ATG5: variants seen among roughly 807,000 people sequenced by gnomAD.
ATG5 encodes autophagy protein 5.
ATG5 carries 14 observed loss-of-function variants against 36.5 expected under a neutral mutation model. The observed-to-expected ratio is 0.38, with a 90% CI of 0.25 to 0.60. ATG5 has a LOEUF of 0.60. Ranked by LOEUF, ATG5 falls within the 20% of genes least tolerant of loss-of-function variation. The pLI, the probability that ATG5 is intolerant of heterozygous loss-of-function variation, is 0.60. For synonymous variants in ATG5, 95 were observed against 101.5 expected, an observed-to-expected ratio of 0.94 and a Z score of 0.38; for missense variants, 195 against 326.7, an observed-to-expected ratio of 0.60 and a Z score of 3.11.
At chr6:106,221,474 C>A (rs937365291) in intron 6 of ATG5, among the ~76,000 whole-genome samples, 22 of 151,846 alleles carry the variant, frequency 1.4e-4, no homozygotes, top group Middle Eastern at 3.2e-3. Context: ...TCACTTGAGC[C>A]CAGGAATTCG....
intron 5 of ATG5, among the ~76,000 whole-genome samples, chr6:106,267,905 A>G (rs1033718540): frequency 2.0e-5 from 3 of 152,240 alleles, no homozygotes; most frequent in African/African-American, 7.2e-5. Flanking sequence ...AAACATAGGT[A>G]ATACCATTCA....
At chr6:106,261,196 C>A (rs1339908299) in intron 5 of ATG5, among the ~76,000 whole-genome samples, 2 of 152,132 alleles carry the variant, frequency 1.3e-5, no homozygotes, top group East Asian at 3.8e-4. Context: ...CACATTATTT[C>A]AAAAAATGTA....
At chr6:106,265,882 C>A (rs373527409) in intron 5 of ATG5, among the ~76,000 whole-genome samples, 189 of 152,242 alleles carry the variant, frequency 1.2e-3, no homozygotes, top group African/African-American at 4.3e-3. Flanking sequence ...TAAATGCCCA[C>A]ATCAGAAAGC....
chr6:106,264,746 C>T (rs1412566604), intron 5 of ATG5, among the ~76,000 whole-genome samples: 4 of 152,090 alleles, frequency 2.6e-5, no homozygotes, highest in Admixed American at 2.6e-4. Context: ...CCAAACTAAG[C>T]TTCATAAGCG....
intron 6 of ATG5, among the ~76,000 whole-genome samples, chr6:106,241,420 C>T (rs981894099): frequency 3.9e-5 from 6 of 152,036 alleles, no homozygotes; most frequent in South Asian, 2.1e-4. Flanking sequence ...ACAGCTACTA[C>T]GGAAAACAGT....
intron 1 of ATG5, among the ~76,000 whole-genome samples, chr6:106,321,401 C>T (rs868124041): frequency 6.6e-6 from 1 of 151,244 alleles, no homozygotes; most frequent in South Asian, 2.1e-4. Context: ...CTCTGTCGCT[C>T]AGGATGGAGT....
intron 6 of ATG5, among the ~76,000 whole-genome samples, chr6:106,231,267 G>A: frequency 6.6e-6 from 1 of 152,190 alleles, no homozygotes. Context: ...CCTTTGATCT[G>A]ATATGGAGAG....
At chr6:106,203,811 G>A (rs558051698) in intron 6 of ATG5, among the ~76,000 whole-genome samples, 41 of 152,270 alleles carry the variant, frequency 2.7e-4, no homozygotes, top group African/African-American at 9.6e-4. Context: ...TATTTTATAA[G>A]AATATGACTT....
At chr6:106,264,435 G>T (rs903611563) in intron 5 of ATG5, among the ~76,000 whole-genome samples, 5 of 152,118 alleles carry the variant, frequency 3.3e-5, no homozygotes, top group African/African-American at 1.2e-4. Flanking sequence ...TTATCCAGGA[G>T]AACTTCCCCC....
At chr6:106,311,279 A>T (rs1404011843) in intron 2 of ATG5, among the ~76,000 whole-genome samples, 8 of 152,228 alleles carry the variant, frequency 5.3e-5, no homozygotes, top group African/African-American at 1.9e-4. Context: ...AAAAAGATAC[A>T]AAAAAACAAA....
intron 3 of ATG5, among the ~76,000 whole-genome samples, chr6:106,297,962 T>C (rs1424834022): frequency 6.8e-6 from 1 of 146,024 alleles, no homozygotes; most frequent in Admixed American, 6.9e-5. Context: ...CCTGTCAAAA[T>C]CTATTTTTTT....
chr6:106,299,979 T>G (rs1260758578), intron 3 of ATG5, among the ~76,000 whole-genome samples: 2 of 152,206 alleles, frequency 1.3e-5, no homozygotes, highest in Non-Finnish European at 2.9e-5. Context: ...ATGATTGCTG[T>G]GAATACTGAC....
At chr6:106,308,316 A>T in intron 3 of ATG5, 48 bp downstream of exon 3, 1 of 1,434,238 alleles carries the variant, frequency 7.0e-7, no homozygotes, top group Non-Finnish European at 9.2e-7. Context: ...ATACCTTTTT[A>T]AAGCTAGTAT....
At position 106,279,828 on chromosome 6, in the gene ATG5, C is replaced by A; in HGVS notation, c.316-5G>T. Reference sequence around the variant, plus strand: ...AAGGTCTTTTTCTGGAAAACTCTATCAAAGGAAAAAATATACATATAAAAC... The same window carrying A: ...AAGGTCTTTTTCTGGAAAACTCTATAAAAGGAAAAAATATACATATAAAAC... On this transcript the variant is annotated splice_polypyrimidine_tract_variant and splice_region_variant and intron_variant, in intron 4 of 7. Transcript: ENST00000369076. The A allele has an allele frequency of 1.4e-6, 2 of 1,478,914 alleles. No individual in the cohort carries two copies. Among genetic ancestry groups the A allele is most frequent in the African/African-American group, 2.8e-5 (2 of 70,530 alleles). The allele number at this position is 1,478,914 out of a possible 1,614,324, so 91.6% of individuals were successfully genotyped here.
intron 4 of ATG5, among the ~76,000 whole-genome samples, chr6:106,287,974 C>CA: frequency 7.1e-6 from 1 of 140,524 alleles, no homozygotes; most frequent in East Asian, 2.0e-4. Context: ...CCACAATTAA[C>CA]TTTTTTTTTT....
rs967042681 is a variant in ATG5 at position 106,185,057 on chromosome 6, T to C, written c.*1483A>G. The C allele has an allele frequency of 6.6e-6, 1 of 152,472 alleles. No homozygotes were observed. Among genetic ancestry groups the C allele is most frequent in the Non-Finnish European group, 1.5e-5 (1 of 68,022 alleles). The allele number at this position is 152,472 out of a possible 1,614,324, so 9.4% of individuals were successfully genotyped here. On this transcript the variant is annotated 3_prime_UTR_variant, in exon 8 of 8. Transcript: ENST00000369076. The stretch of plus-strand genomic sequence containing the variant: ...AATTATTTTCTACTTGCTTCTAAGT[T>C]TCTGAGATTGTATGCTGTACTGGCT...
Position 106,266,624 on chromosome 6 carries a change from C to G in ATG5, c.478+13037G>C, listed in dbSNP as rs142789625. Among the ~76,000 whole-genome samples the G allele has an allele frequency of 6.8e-3, 1,031 of 152,324 alleles. 12 individuals are homozygous for G. Among genetic ancestry groups the G allele is most frequent in the African/African-American group, 0.023 (967 of 41,572 alleles). Reference sequence around the variant, plus strand: ...TCAAGAAAATTCTGGCAAACCGAATCCAGCAGCACATCAAAAAGCTTATCC... The same window carrying G: ...TCAAGAAAATTCTGGCAAACCGAATGCAGCAGCACATCAAAAAGCTTATCC... On this transcript the variant is annotated intron_variant, in intron 5 of 7. Coordinates refer to ENST00000369076, the MANE Select transcript of ATG5 (RefSeq NM_004849.4).
At chr6:106,249,818 A>C (rs1359975488) in intron 5 of ATG5, among the ~76,000 whole-genome samples, 1 of 152,202 alleles carries the variant, frequency 6.6e-6, no homozygotes, top group Admixed American at 6.5e-5. Flanking sequence ...GGCATCAAGA[A>C]GTATCTCATT....
intron 4 of ATG5, among the ~76,000 whole-genome samples, chr6:106,292,821 G>A (rs767019539): frequency 6.6e-6 from 1 of 152,146 alleles, no homozygotes; most frequent in Non-Finnish European, 1.5e-5. Context: ...AAGAAAAGCA[G>A]TTCATATATT....
Sources: gnomAD v4.1 joint callset for allele counts (sites outside exome capture counted in the v4.1 genomes callset) on GRCh38, gnomAD v4.1.1 for gene constraint, MANE v1.5 for transcripts, NCBI Gene and HGNC (gene_info 2026-07-23, HGNC 2026-07-21) for gene names.